Variants in FER observed in about 807,000 individuals in gnomAD.
The protein encoded by FER is tyrosine-protein kinase Fer.
In FER, 63 loss-of-function variants were observed where a neutral mutation model predicts 111.0. That is an observed-to-expected ratio of 0.57 (90% CI 0.46 to 0.70). The LOEUF is 0.70. Among genes scored for constraint, FER ranks in the 30% least tolerant of loss-of-function variants. The pLI is 0.00. For missense variants in FER, 914 were observed against 954.0 expected, an observed-to-expected ratio of 0.96 and a Z score of 0.55; for synonymous variants, 327 against 313.9, an observed-to-expected ratio of 1.04 and a Z score of -0.44.
chr5:109,131,472 A>G (rs552227968), intron 17 of FER, among the ~76,000 whole-genome samples: 3 of 152,230 alleles, frequency 2.0e-5, no homozygotes, highest in Admixed American at 6.6e-5. Context: ...TAATCATATA[A>G]TGAGCTTTAG....
chr5:108,973,189 A>G (rs1477797100), intron 13 of FER, among the ~76,000 whole-genome samples: 1 of 152,188 alleles, frequency 6.6e-6, no homozygotes, highest in Non-Finnish European at 1.5e-5. Context: ...ATATACAAGA[A>G]CAGACATACT....
intron 3 of FER, among the ~76,000 whole-genome samples, chr5:108,809,361 C>T (rs1329573526): frequency 6.6e-6 from 1 of 152,130 alleles, no homozygotes; most frequent in Non-Finnish European, 1.5e-5. Flanking sequence ...TCTGAAGTTT[C>T]CTCTGAAGCT....
chr5:108,997,789 C>T (rs115953264), intron 13 of FER, among the ~76,000 whole-genome samples: 1,596 of 152,220 alleles, frequency 0.01, 22 homozygotes, highest in African/African-American at 0.036. Flanking sequence ...CTATAAGTTC[C>T]TGACTGTGGC....
At chr5:109,024,272 C>A (rs2149838835) in intron 13 of FER, among the ~76,000 whole-genome samples, 1 of 152,278 alleles carries the variant, frequency 6.6e-6, no homozygotes, top group East Asian at 1.9e-4. Flanking sequence ...CATAATACTC[C>A]TCAGATGCCT....
At chr5:108,793,144 T>C (rs1478095317) in intron 2 of FER, among the ~76,000 whole-genome samples, 1 of 152,210 alleles carries the variant, frequency 6.6e-6, no homozygotes, top group Non-Finnish European at 1.5e-5. Context: ...CCATTAACCA[T>C]CCCAACTTTC....
chr5:109,110,745 C>T (rs1246786193), intron 17 of FER, among the ~76,000 whole-genome samples: 1 of 152,032 alleles, frequency 6.6e-6, no homozygotes, highest in Non-Finnish European at 1.5e-5. Context: ...GTGTGCTGCA[C>T]CCATTAACTC....
intron 16 of FER, among the ~76,000 whole-genome samples, chr5:109,094,003 G>A (rs906707277): frequency 6.6e-6 from 1 of 152,106 alleles, no homozygotes. Context: ...TAGCATCAAA[G>A]TAGGGAGAGA....
At chr5:109,031,014 T>C (rs180994526) in intron 13 of FER, among the ~76,000 whole-genome samples, 1 of 152,034 alleles carries the variant, frequency 6.6e-6, no homozygotes, top group Admixed American at 6.6e-5. Flanking sequence ...CAGTATTTCT[T>C]GGTGGGGCAA....
intron 17 of FER, among the ~76,000 whole-genome samples, chr5:109,115,262 A>G (rs961210794): frequency 2.6e-5 from 4 of 152,138 alleles, no homozygotes; most frequent in Non-Finnish European, 5.9e-5. Context: ...AAACTATAGT[A>G]GTGATAGGAA....
chr5:108,848,933 A>G (rs992503673), intron 5 of FER, among the ~76,000 whole-genome samples: 1 of 151,942 alleles, frequency 6.6e-6, no homozygotes, highest in Non-Finnish European at 1.5e-5. Flanking sequence ...TTGGGAGTAT[A>G]GAATTTTTTT....
At chr5:109,161,665 A>G (rs1756002647) in intron 17 of FER, among the ~76,000 whole-genome samples, 1 of 152,002 alleles carries the variant, frequency 6.6e-6, no homozygotes. Flanking sequence ...GGTTGATTCC[A>G]TATCTTTGCT....
intron 9 of FER, among the ~76,000 whole-genome samples, chr5:108,893,480 A>G (rs967322385): frequency 3.9e-5 from 6 of 151,936 alleles, no homozygotes; most frequent in Non-Finnish European, 8.8e-5. Flanking sequence ...TCTTTTCTGC[A>G]GAGTCAGTAC....
chr5:108,974,678 G>T (rs1581469968), intron 13 of FER, among the ~76,000 whole-genome samples: 1 of 152,198 alleles, frequency 6.6e-6, no homozygotes, highest in South Asian at 2.1e-4. Flanking sequence ...TGGACCTCTT[G>T]TACTCACAAG....
intron 16 of FER, among the ~76,000 whole-genome samples, chr5:109,098,459 A>T (rs1206568198): frequency 6.6e-6 from 1 of 151,770 alleles, no homozygotes; most frequent in Non-Finnish European, 1.5e-5. Context: ...TGCAGAAAAG[A>T]TCATTTCATT....
chr5:108,984,298 C>A (rs1762328211), intron 13 of FER, among the ~76,000 whole-genome samples: 2 of 152,038 alleles, frequency 1.3e-5, no homozygotes. Context: ...AGAATGTGTT[C>A]ACCAGATGTA....
chr5:109,033,657 A>G (rs369540149), intron 13 of FER, among the ~76,000 whole-genome samples: 1 of 152,050 alleles, frequency 6.6e-6, no homozygotes, highest in African/African-American at 2.4e-5. Context: ...TTTAATACCT[A>G]AGGGGGAGAG....
At chr5:109,186,408 T>G in intron 19 of FER, 86 bp downstream of exon 19, 2 of 1,588,358 alleles carry the variant, frequency 1.3e-6, no homozygotes, top group Non-Finnish European at 1.7e-6. Flanking sequence ...AGGAGGGGTG[T>G]GTTAAATACT....
chr5:109,096,344 A>G (rs919737276), intron 16 of FER, among the ~76,000 whole-genome samples: 22 of 152,122 alleles, frequency 1.4e-4, no homozygotes, highest in Admixed American at 6.6e-4. Flanking sequence ...TATCCGTTAG[A>G]TATCTTCAAA....
chr5:109,139,587 G>A (rs1385182940), intron 17 of FER, among the ~76,000 whole-genome samples: 2 of 151,964 alleles, frequency 1.3e-5, no homozygotes, highest in African/African-American at 2.4e-5. Flanking sequence ...CAGATGTCAG[G>A]ACTGGTTTTT....
Sources: gnomAD v4.1 joint callset for allele counts (sites outside exome capture counted in the v4.1 genomes callset) on GRCh38, gnomAD v4.1.1 for gene constraint, MANE v1.5 for transcripts, NCBI Gene and HGNC (gene_info 2026-07-23, HGNC 2026-07-21) for gene names.